METTL14: variants seen among roughly 807,000 people sequenced by gnomAD.
The protein encoded by METTL14 is methyltransferase 14, N6-adenosine-methyltransferase non-catalytic subunit.
METTL14 carries 32 observed loss-of-function variants against 62.4 expected under a neutral mutation model. The ratio of observed to expected loss-of-function variants is 0.51; its 90% CI spans 0.39 to 0.69. The LOEUF (loss-of-function observed/expected upper bound fraction) is 0.69, where lower values mean the gene tolerates loss of function less well. Among genes scored for constraint, METTL14 ranks in the 30% least tolerant of loss-of-function variants. The probability of loss-of-function intolerance (pLI) is 0.00; values close to 1 mark genes in which losing one functional copy is unlikely to be tolerated. For missense variants in METTL14, 340 were observed against 551.9 expected, an observed-to-expected ratio of 0.62 and a Z score of 3.85; for synonymous variants, 150 against 180.0, an observed-to-expected ratio of 0.83 and a Z score of 1.34.
Position 118,711,785 on chromosome 4 carries a change from A to G in METTL14, c.*1483A>G, listed in dbSNP as rs921012433. ...ACAAATTATCTAGATTTAGAACTCT[A>G]TATGTCAGCATTGACCTGGGAATGA... is the stretch of plus-strand genomic sequence containing the variant. On this transcript the variant is annotated 3_prime_UTR_variant, in exon 11 of 11. Transcript: ENST00000388822. 9.9e-5 allele frequency: 15 copies of G among 152,154 alleles called. No individual in the cohort carries two copies. Among genetic ancestry groups the G allele is most frequent in the Admixed American group, 6.5e-4 (10 of 15,284 alleles). The allele number at this position is 152,154 out of a possible 1,614,324, so 9.4% of individuals were successfully genotyped here.
intron 8 of METTL14, among the ~76,000 whole-genome samples, chr4:118,702,376 T>G (rs1289305324): frequency 1.3e-5 from 2 of 152,132 alleles, no homozygotes; most frequent in Non-Finnish European, 2.9e-5. Context: ...GATAAATTAG[T>G]GGATTAGGGC....
rs1724736675 is a variant in METTL14 at position 118,705,723 on chromosome 4, A to G, written c.968A>G (p.Asn323Ser). 7 of 1,613,984 alleles carry G rather than the reference A, an allele frequency of 4.3e-6. No homozygotes were observed. Among genetic ancestry groups the G allele is most frequent in the Non-Finnish European group, 5.9e-6 (7 of 1,179,972 alleles). Residue 323 changes from asparagine to serine, a missense_variant, in exon 10 of 11, where the codon AAT (asparagine) becomes AGT (serine). Around this residue, in one of 7 missense-constraint regions of METTL14, gnomAD observed 62 missense variants for 82.3 expected, o/e 0.75. Coordinates refer to ENST00000388822, the MANE Select transcript of METTL14 (RefSeq NM_020961.4). The part of the protein sequence containing the change: ...LIITEEPEIG[N>S]IEKPVEIFHI... ...ATCACAGAAGAACCTGAAATTGGCA[A>G]TATAGAAAAACCTGTAGAAATTTTT...
rs142496738 is a variant in METTL14 at position 118,688,855 on chromosome 4, G to A, written c.156-515G>A. Among the ~76,000 whole-genome samples, 1,362 of 152,164 alleles carry A rather than the reference G, an allele frequency of 9.0e-3. 10 individuals carry two copies. The highest frequency in any genetic ancestry group is 0.027 in the Middle Eastern group (8 of 294). On this transcript the variant is annotated intron_variant, in intron 2 of 10. Coordinates refer to ENST00000388822, the MANE Select transcript of METTL14 (RefSeq NM_020961.4). ...CCCCCAGCTAATTTTTGTATTTTTA[G>A]TAAACATGGGGTTTCATCATGTTGG...
chr4:118,696,023 G>A (rs1392956733), intron 6 of METTL14, among the ~76,000 whole-genome samples: 14 of 141,680 alleles, frequency 9.9e-5, no homozygotes, highest in African/African-American at 1.5e-4. Context: ...GGCTGAGGCA[G>A]AAGAGGTGGA....
chr4:118,687,850 A>T, intron 1 of METTL14, 73 bp from the exon 2 acceptor site: 1 of 1,209,826 alleles, frequency 8.3e-7, no homozygotes, highest in Non-Finnish European at 1.2e-6. Context: ...TTAATGTATT[A>T]AATGCTGCTA....
rs1724951925 is a variant in METTL14, at chr4:118,712,515, G to A, written c.*2213G>A. 6.6e-6 allele frequency: 1 copy of A among 152,236 alleles called. No individual in the cohort carries two copies. The highest frequency in any genetic ancestry group is 6.5e-5 in the Admixed American group (1 of 15,270). The allele number at this position is 152,236 out of a possible 1,614,324, so 9.4% of individuals were successfully genotyped here. A position where few individuals can be genotyped will look rare whatever the true frequency, so the allele number is the denominator to read the frequency against. On this transcript the variant is annotated 3_prime_UTR_variant, in exon 11 of 11. Coordinates refer to ENST00000388822, the MANE Select transcript of METTL14 (RefSeq NM_020961.4). ...CACGCCTGTAATCCCCGCTACTCGG[G>A]AGGCTGTGGCAGGAGAATTGCCTGA...
intron 7 of METTL14, 78 bp from the exon 8 acceptor site, chr4:118,700,472 C>T: frequency 8.8e-7 from 1 of 1,142,208 alleles, no homozygotes; most frequent in Non-Finnish European, 1.3e-6. Flanking sequence ...CCTAATAAAT[C>T]TTAATTGTTG....
chr4:118,693,592 T>C (rs79326178), intron 5 of METTL14, among the ~76,000 whole-genome samples: 1,945 of 152,312 alleles, frequency 0.013, 44 homozygotes, highest in African/African-American at 0.044. Context: ...CTAATTTTAA[T>C]GTTTTTATAA....
chr4:118,703,427 G>A (rs111386122), intron 8 of METTL14, among the ~76,000 whole-genome samples: 8 of 152,248 alleles, frequency 5.3e-5, no homozygotes, highest in South Asian at 2.1e-4. Flanking sequence ...AGAGATACAC[G>A]TAACAATTTT....
intron 10 of METTL14, among the ~76,000 whole-genome samples, chr4:118,709,070 A>G (rs1459036716): frequency 1.3e-5 from 2 of 152,246 alleles, no homozygotes; most frequent in Non-Finnish European, 2.9e-5. Flanking sequence ...AAGAAGAAAT[A>G]ATTTTCATTT....
Position 118,712,289 on chromosome 4 carries a change from C to T in METTL14, c.*1987C>T, listed in dbSNP as rs1724942753. The T allele has an allele frequency of 1.3e-5, 2 of 152,208 alleles. No individual in the cohort carries two copies. Among genetic ancestry groups the T allele is most frequent in the African/African-American group, 4.8e-5 (2 of 41,538 alleles). 9.4% of individuals were successfully genotyped at this position (152,208 alleles called of 1,614,324 possible). Reference sequence around the variant, plus strand: ...ACTCTGACCTCTTCTAATTTTTGGTCTTCTTTATATTTACATGTCTTACAT... The same window carrying T: ...ACTCTGACCTCTTCTAATTTTTGGTTTTCTTTATATTTACATGTCTTACAT... On this transcript the variant is annotated 3_prime_UTR_variant, in exon 11 of 11. Transcript: ENST00000388822.
At position 118,702,830 on chromosome 4, in the gene METTL14, A is replaced by G. The variant is rs1724634757; in HGVS notation, c.739-1105A>G. On this transcript the variant is annotated intron_variant, in intron 8 of 10. Coordinates refer to ENST00000388822, the MANE Select transcript of METTL14 (RefSeq NM_020961.4). ...GAGGTGTTATCTTACATTACCCAAT[A>G]AGCATTCCTGAAAAGTGTATGTTTT... 2.6e-5 allele frequency among the ~76,000 whole-genome samples: 4 copies of G among 151,558 alleles called. No individual in the cohort carries two copies. The South Asian group carries it at 8.4e-4, about 32-fold the overall frequency.
At chr4:118,701,949 A>G (rs1724603850) in intron 8 of METTL14, among the ~76,000 whole-genome samples, 1 of 152,112 alleles carries the variant, frequency 6.6e-6, no homozygotes. Flanking sequence ...TCAGTTGGAT[A>G]TCTCCATTTT....
intron 7 of METTL14, among the ~76,000 whole-genome samples, chr4:118,698,082 A>G (rs923638312): frequency 2.0e-5 from 3 of 152,140 alleles, no homozygotes; most frequent in African/African-American, 7.2e-5. Context: ...GAAGACGTTA[A>G]TAAGTCTGAA....
Position 118,695,187 on chromosome 4 carries a change from G to C in METTL14, c.503+661G>C, listed in dbSNP as rs375273017. On this transcript the variant is annotated intron_variant, in intron 6 of 10. Coordinates refer to ENST00000388822, the MANE Select transcript of METTL14 (RefSeq NM_020961.4). The stretch of plus-strand genomic sequence containing the variant: ...GAAGCTCTGGTGCTGAGTTCAGAGG[G>C]GGCTCTCAGTTTTTTTTCAGCTTTT... 5.3e-5 allele frequency among the ~76,000 whole-genome samples: 8 copies of C among 152,118 alleles called. No homozygotes were observed. The East Asian group carries it at 7.7e-4, about 15-fold the overall frequency.
rs764385026 is a variant in METTL14 at position 118,687,956 on chromosome 4, G to T, written c.100G>T (p.Val34Leu). The change falls in exon 2 of 11, where the codon GTG (valine) becomes TTG (leucine). Residue 34 changes from valine (V) to leucine (L), a missense_variant. Val to Leu is a conservative substitution (Grantham distance 32, BLOSUM62 1). Transcript: ENST00000388822. Reference protein sequence around the residue: ...GAESADSIGAVLNSKDEQREI... With the variant: ...GAESADSIGALLNSKDEQREI... ...TGAAAGTGCCGACAGCATTGGTGCCGTGTTAAATAGCAAAGATGAGCAGAG... is the reference window on the plus strand; with the variant it reads ...TGAAAGTGCCGACAGCATTGGTGCCTTGTTAAATAGCAAAGATGAGCAGAG... 2 of 1,613,614 alleles carry T rather than the reference G, an allele frequency of 1.2e-6. No individual in the cohort carries two copies. Among genetic ancestry groups the T allele is most frequent in the East Asian group, 2.2e-5 (1 of 44,876 alleles).
At chr4:118,687,816 A>T in intron 1 of METTL14, 107 bp from the exon 2 acceptor site, 1 of 712,220 alleles carries the variant, frequency 1.4e-6, no homozygotes. Flanking sequence ...TGTGTGAATT[A>T]AGGTGTTTTT....
intron 10 of METTL14, 131 bp from the exon 11 acceptor site, chr4:118,709,867 T>TA (rs1724865543): frequency 1.2e-6 from 1 of 857,136 alleles, no homozygotes; most frequent in African/African-American, 1.7e-5. Context: ...TGCCATTCTG[T>TA]AAAAGAGATC....
Position 118,705,846 on chromosome 4 carries a change from T to C in METTL14, c.1066+25T>C, listed in dbSNP as rs753452083. On this transcript the variant is annotated intron_variant, in intron 10 of 10. Coordinates refer to ENST00000388822, the MANE Select transcript of METTL14 (RefSeq NM_020961.4). ...GGTAGGACCTCAGTTAACAACAACTTTTATGATTCTTTGGGTTATGCATGT... is the reference window on the plus strand; with the variant it reads ...GGTAGGACCTCAGTTAACAACAACTCTTATGATTCTTTGGGTTATGCATGT... 6.4e-6 allele frequency: 10 copies of C among 1,553,050 alleles called. 2 individuals carry two copies. The South Asian group carries it at 1.1e-4, about 17-fold the overall frequency.
Sources: gnomAD v4.1 joint callset for allele counts (sites outside exome capture counted in the v4.1 genomes callset) on GRCh38, gnomAD v4.1.1 for gene constraint, gnomAD v4.1.1 regional missense constraint, MANE v1.5 for transcripts, NCBI Gene and HGNC (gene_info 2026-07-23, HGNC 2026-07-21) for gene names.